The following ZFHX3 variants were observed in gnomAD, a reference collection of about 807,000 sequenced individuals.
The protein encoded by ZFHX3 is zinc finger homeobox 3, also known as zinc finger homeobox protein 3.
A neutral mutation model predicts 279.1 loss-of-function variants in ZFHX3; 42 were observed. The ratio of observed to expected loss-of-function variants is 0.15; its 90% CI spans 0.12 to 0.19. The LOEUF (loss-of-function observed/expected upper bound fraction) is 0.19. Ranked by LOEUF, ZFHX3 falls within the 10% of genes least tolerant of loss-of-function variation. ZFHX3 has a pLI of 1.00. For synonymous variants in ZFHX3, 2,293 were observed against 1,957.8 expected (o/e 1.17, Z -4.52); for missense variants, 4,981 against 4,754.0 (o/e 1.05, Z -1.40).
chr16:73,044,308 C>T lies in ZFHX3; in HGVS notation c.-50+3444G>A, dbSNP rs182557134. ...TGTTGTGTTTTTACAGTAACGCCCC[C>T]ATCCTGGTTAATTGCACCAGCCTTA... On this transcript the variant is annotated intron_variant, in intron 1 of 9. Coordinates refer to ENST00000268489, the MANE Select transcript of ZFHX3 (RefSeq NM_006885.4). Among the ~76,000 whole-genome samples the T allele has an allele frequency of 2.0e-5, 3 of 152,270 alleles. No individual in the cohort carries two copies. In the East Asian group the frequency reaches 5.8e-4, roughly 29 times the overall value.
At chr16:73,651,728 T>G (rs1210802253) in intron 2 of ZFHX3, among the ~76,000 whole-genome samples, 1 of 131,814 alleles carries the variant, frequency 7.6e-6, no homozygotes, top group Non-Finnish European at 1.6e-5. Context: ...GGTGGCAGGC[T>G]CCTGTAGTCC....
At chr16:73,737,329 A>C (rs2053618120) in intron 1 of ZFHX3, among the ~76,000 whole-genome samples, 1 of 152,092 alleles carries the variant, frequency 6.6e-6, no homozygotes, top group Non-Finnish European at 1.5e-5. Context: ...GAGCCACTGC[A>C]CTCAGCCTGT....
intron 1 of ZFHX3, among the ~76,000 whole-genome samples, chr16:73,711,757 A>ATGG (rs1491000505): frequency 1.3e-5 from 2 of 152,216 alleles, no homozygotes; most frequent in Non-Finnish European, 2.9e-5. Flanking sequence ...CCCTCCAAAG[A>ATGG]TGGATTAGGT....
chr16:72,843,869 T>C (rs994775389), intron 4 of ZFHX3, among the ~76,000 whole-genome samples: 3 of 152,112 alleles, frequency 2.0e-5, no homozygotes, highest in East Asian at 3.9e-4. Context: ...AACCCCACGA[T>C]ACACAAAACA....
intron 1 of ZFHX3, among the ~76,000 whole-genome samples, chr16:73,038,676 ACT>A (rs35471941): frequency 1.2e-3 from 169 of 146,460 alleles, no homozygotes; most frequent in South Asian, 1.1e-3. Flanking sequence ...ATAAGCTTGT[ACT>A]CTCTCTCTCT....
chr16:73,093,394 T>C (rs941385155), exon 8 of ZFHX3: 5 of 441,648 alleles, frequency 1.1e-5, no homozygotes, highest in African/African-American at 1.0e-4. Context: ...GTCTGGCAGA[T>C]GCAGAACCAC....
At chr16:73,635,359 C>A (rs2052517921) in intron 2 of ZFHX3, among the ~76,000 whole-genome samples, 1 of 152,156 alleles carries the variant, frequency 6.6e-6, no homozygotes, top group East Asian at 1.9e-4. Context: ...GGGTTATTAA[C>A]TACTCAACTA....
intron 1 of ZFHX3, among the ~76,000 whole-genome samples, chr16:73,005,450 G>A (rs762176968): frequency 2.6e-5 from 4 of 152,046 alleles, no homozygotes; most frequent in Admixed American, 6.6e-5. Flanking sequence ...AGCCAAGATC[G>A]TGCCACTGCA....
intron 3 of ZFHX3, among the ~76,000 whole-genome samples, chr16:72,925,853 G>A (rs182004246): frequency 8.0e-4 from 122 of 152,288 alleles, no homozygotes; most frequent in Non-Finnish European, 1.5e-3. Flanking sequence ...GAAGACAGGA[G>A]GAAAATGCAA....
intron 3 of ZFHX3, among the ~76,000 whole-genome samples, chr16:73,411,021 T>G (rs1039182396): frequency 1.3e-5 from 2 of 152,130 alleles, no homozygotes; most frequent in African/African-American, 4.8e-5. Context: ...ATAAGATGGA[T>G]ATGGGTTGCT....
At chr16:73,062,931 A>G (rs1464276746), upstream of ZFHX3, among the ~76,000 whole-genome samples, 2 of 152,242 alleles carry the variant, frequency 1.3e-5, no homozygotes, top group Non-Finnish European at 2.9e-5. Flanking sequence ...GATTCCATAA[A>G]TGCAGACATG....
intron 1 of ZFHX3, among the ~76,000 whole-genome samples, chr16:72,981,293 G>A (rs1049622802): frequency 2.6e-5 from 4 of 152,096 alleles, no homozygotes; most frequent in African/African-American, 9.7e-5. Context: ...GCCTTTATAA[G>A]TGGTAGCTAT....
intron 7 of ZFHX3, among the ~76,000 whole-genome samples, chr16:73,115,133 C>T (rs1034087579): frequency 6.6e-6 from 1 of 152,032 alleles, no homozygotes; most frequent in Non-Finnish European, 1.5e-5. Flanking sequence ...GAAACCAGAC[C>T]CTGATCCTGG....
intron 8 of ZFHX3, among the ~76,000 whole-genome samples, chr16:73,073,620 T>A (rs918806182): frequency 1.3e-5 from 2 of 152,290 alleles, no homozygotes; most frequent in East Asian, 3.9e-4. Flanking sequence ...TGCCTCAGCT[T>A]CCCAAGCAGC....
intron 1 of ZFHX3, among the ~76,000 whole-genome samples, chr16:73,799,176 C>A (rs1006469252): frequency 6.6e-6 from 1 of 152,194 alleles, no homozygotes; most frequent in Non-Finnish European, 1.5e-5. Context: ...CCCTAAGAAA[C>A]ATTCCACCTC....
chr16:73,527,115 G>C (rs1172224782), intron 2 of ZFHX3, among the ~76,000 whole-genome samples: 1 of 152,008 alleles, frequency 6.6e-6, no homozygotes, highest in Non-Finnish European at 1.5e-5. Flanking sequence ...AAGCAATCTT[G>C]CCATCTCAGG....
intron 2 of ZFHX3, among the ~76,000 whole-genome samples, chr16:73,673,251 G>A (rs2052921744): frequency 6.6e-6 from 1 of 152,128 alleles, no homozygotes; most frequent in African/African-American, 2.4e-5. Flanking sequence ...ACGGGTAGAG[G>A]CCACTGTCCC....
intron 1 of ZFHX3, among the ~76,000 whole-genome samples, chr16:73,871,003 T>C (rs913942252): frequency 6.6e-6 from 1 of 152,160 alleles, no homozygotes; most frequent in Admixed American, 6.5e-5. Flanking sequence ...GACCATATCG[T>C]ATGTACCAGG....
Position 73,152,679 on chromosome 16 carries a change from A to G in ZFHX3, c.-1103-8848T>C, listed in dbSNP as rs1966971370. On this transcript the variant is annotated intron_variant, in intron 5 of 17. Coordinates refer to the ZFHX3 transcript ENST00000641206. ...AATGCAGATAAATCCTAAATAAATC[A>G]GGATTAGTGTTAACCACATCTTGAG... Among the ~76,000 whole-genome samples, 5 of 149,972 alleles carry G rather than the reference A, an allele frequency of 3.3e-5. No individual in the cohort carries two copies. The South Asian group carries it at 1.1e-3, about 32-fold the overall frequency.
Sources: gnomAD v4.1 joint callset for allele counts (sites outside exome capture counted in the v4.1 genomes callset) on GRCh38, gnomAD v4.1.1 for gene constraint, MANE v1.5 for transcripts, NCBI Gene and HGNC (gene_info 2026-07-23, HGNC 2026-07-21) for gene names.